PALLD: variants seen among roughly 807,000 people sequenced by gnomAD.
PALLD encodes the protein palladin, cytoskeletal associated protein.
In PALLD, 61 loss-of-function variants were observed where a neutral mutation model predicts 123.5. The observed-to-expected ratio is 0.49, with a 90% CI of 0.40 to 0.61. The LOEUF is 0.61. Ranked by LOEUF, PALLD falls within the 20% of genes least tolerant of loss-of-function variation. The pLI is 0.00. For synonymous variants in PALLD, 465 were observed against 496.4 expected, an observed-to-expected ratio of 0.94 and a Z score of 0.84; for missense variants, 1,273 against 1,377.0, an observed-to-expected ratio of 0.92 and a Z score of 1.20.
intron 10 of PALLD, among the ~76,000 whole-genome samples, chr4:168,852,142 G>T (rs1403612593): frequency 6.6e-6 from 1 of 152,140 alleles, no homozygotes; most frequent in African/African-American, 2.4e-5. Context: ...CCTGCCAAAG[G>T]TATATGGACA....
chr4:168,566,360 C>A (rs923015252), intron 2 of PALLD, among the ~76,000 whole-genome samples: 3 of 152,184 alleles, frequency 2.0e-5, no homozygotes, highest in East Asian at 1.9e-4. Context: ...ATGCAATGGT[C>A]GATCACAGCT....
At position 168,683,057 on chromosome 4, in the gene PALLD, G is replaced by C. The variant is rs772468012; in HGVS notation, c.1214G>C (p.Gly405Ala). Residue 405 changes from glycine to alanine, a missense_variant, in exon 5 of 22, where the codon GGG becomes GCG. Physicochemically the swap from Gly to Ala is moderately conservative, Grantham distance 60. Transcript: ENST00000505667. ...LTIGSSSPKT[G>A]VTTAVIQPLS... ...ATAGGATCATCATCTCCAAAGACAG[G>C]GGTGACCACAGCTGTGATTCAACCA... 8 of 1,612,586 alleles carry C rather than the reference G, an allele frequency of 5.0e-6. No individual in the cohort carries two copies. In the African/African-American group the frequency reaches 1.1e-4, roughly 22 times the overall value.
chr4:168,921,904 CAG>C (rs918584114), intron 18 of PALLD, among the ~76,000 whole-genome samples, 163 bp downstream of exon 18: 2 of 151,972 alleles, frequency 1.3e-5, no homozygotes, highest in African/African-American at 4.8e-5. Context: ...CCTAGCAAAA[CAG>C]AAACAGAAAT....
At chr4:168,861,876 A>G (rs1749533703) in intron 10 of PALLD, among the ~76,000 whole-genome samples, 1 of 151,794 alleles carries the variant, frequency 6.6e-6, no homozygotes, top group African/African-American at 2.4e-5. Context: ...TGCTGGTCTC[A>G]ACCTTCTGGA....
chr4:168,701,730 A>T (rs1783689772), intron 8 of PALLD, among the ~76,000 whole-genome samples: 1 of 152,188 alleles, frequency 6.6e-6, no homozygotes, highest in Admixed American at 6.5e-5. Context: ...CTGTCTTTCC[A>T]GGTGTAGATG....
At chr4:168,532,562 C>T (rs72621977) in intron 2 of PALLD, among the ~76,000 whole-genome samples, 10,718 of 152,010 alleles carry the variant, frequency 0.071, 567 homozygotes, top group South Asian at 0.25. Flanking sequence ...TATTATATTG[C>T]TTTGGGAAAA....
rs1750826250 is a variant in PALLD, at chr4:168,869,767, C to T, written c.1965-21155C>T. Among the ~76,000 whole-genome samples the T allele has an allele frequency of 1.3e-5, 2 of 152,062 alleles. No individual in the cohort carries two copies. The highest frequency in any genetic ancestry group is 6.6e-5 in the Admixed American group (1 of 15,264). ...GAAGTGAAGTAGCACATTTATGTTA[C>T]ATGGAAGTGGATAGTGGAATTCAGG... On this transcript the variant is annotated intron_variant, in intron 10 of 21. Transcript: ENST00000505667. This position sits in a 1 kb window ranked among gnomAD's most constrained non-coding sequence, Gnocchi z 4.5.
chr4:168,608,602 C>G (rs1422045279), intron 2 of PALLD, among the ~76,000 whole-genome samples: 1 of 152,204 alleles, frequency 6.6e-6, no homozygotes, highest in East Asian at 1.9e-4. Context: ...TATTTCTCTT[C>G]TTCCTCCCCA....
intron 2 of PALLD, among the ~76,000 whole-genome samples, chr4:168,646,663 C>T (rs373193444): frequency 1.1e-3 from 162 of 152,294 alleles, no homozygotes; most frequent in African/African-American, 3.8e-3. Flanking sequence ...CTCTGGTTTC[C>T]CCGTGGTATC....
chr4:168,538,098 A>G (rs775081468), intron 2 of PALLD, among the ~76,000 whole-genome samples: 5 of 152,260 alleles, frequency 3.3e-5, no homozygotes, highest in African/African-American at 4.8e-5. Context: ...TTGTGCTTAT[A>G]CATAGGCATC....
chr4:168,899,529 A>C (rs545578052), intron 14 of PALLD, among the ~76,000 whole-genome samples: 19 of 152,322 alleles, frequency 1.2e-4, no homozygotes, highest in Middle Eastern at 3.4e-3. Flanking sequence ...CCTTATATAA[A>C]GGTAATAATA....
At chr4:168,592,529 C>T (rs1395055720) in intron 2 of PALLD, among the ~76,000 whole-genome samples, 1 of 152,030 alleles carries the variant, frequency 6.6e-6, no homozygotes, top group Non-Finnish European at 1.5e-5. Flanking sequence ...AAATGTGCCT[C>T]AAAATACAAT....
chr4:168,873,488 G>C (rs1751349557), intron 10 of PALLD, among the ~76,000 whole-genome samples: 1 of 152,038 alleles, frequency 6.6e-6, no homozygotes, highest in Non-Finnish European at 1.5e-5. Flanking sequence ...TATGAGCAGG[G>C]GATAAATTAC....
chr4:168,594,380 G>T (rs1251700152), intron 2 of PALLD, among the ~76,000 whole-genome samples: 1 of 152,102 alleles, frequency 6.6e-6, no homozygotes, highest in Non-Finnish European at 1.5e-5. Flanking sequence ...TGACAGTTTA[G>T]TTCCTAGACA....
At chr4:168,613,201 G>T (rs942010186) in intron 2 of PALLD, among the ~76,000 whole-genome samples, 9 of 152,268 alleles carry the variant, frequency 5.9e-5, no homozygotes, top group Non-Finnish European at 1.0e-4. Context: ...ATTTGCCTCG[G>T]ACTGAGGGGT....
intron 10 of PALLD, among the ~76,000 whole-genome samples, chr4:168,858,016 G>A (rs192293638): frequency 6.6e-6 from 1 of 152,340 alleles, no homozygotes; most frequent in Admixed American, 6.5e-5. Flanking sequence ...TCCCCACACA[G>A]CAACACTTCT....
chr4:168,741,376 G>A (rs975997689), intron 10 of PALLD, among the ~76,000 whole-genome samples: 30 of 145,628 alleles, frequency 2.1e-4, no homozygotes, highest in African/African-American at 8.2e-4. Flanking sequence ...TGATCTTTTT[G>A]ATAAGAATAG....
At chr4:168,716,629 G>A (rs1380899358) in intron 10 of PALLD, among the ~76,000 whole-genome samples, 3 of 152,154 alleles carry the variant, frequency 2.0e-5, no homozygotes, top group Non-Finnish European at 4.4e-5. Context: ...TGTCTCCAGA[G>A]AAAGACATAG....
intron 10 of PALLD, among the ~76,000 whole-genome samples, chr4:168,791,457 G>A (rs1737509905): frequency 6.6e-6 from 1 of 152,186 alleles, no homozygotes; most frequent in Non-Finnish European, 1.5e-5. Flanking sequence ...AGGCAAAGGG[G>A]AAGCAAGTAC....
Sources: allele counts gnomAD v4.1 joint callset (sites outside exome capture counted in the v4.1 genomes callset), GRCh38; gene constraint gnomAD v4.1.1; non-coding constraint Gnocchi (gnomAD v3.1); transcripts MANE v1.5; gene names NCBI Gene and HGNC (gene_info 2026-07-23, HGNC 2026-07-21).